The following KCNIP4 variants were observed in gnomAD, a reference collection of about 807,000 sequenced individuals.
KCNIP4 encodes the protein potassium voltage-gated channel interacting protein 4, also known as Kv channel-interacting protein 4.
A neutral mutation model predicts 34.0 loss-of-function variants in KCNIP4; 12 were observed. The ratio of observed to expected loss-of-function variants is 0.35; its 90% CI spans 0.23 to 0.57. KCNIP4 has a LOEUF of 0.57. KCNIP4 is among the 20% of genes least tolerant of loss of function. The probability of loss-of-function intolerance (pLI) is 0.83; values close to 1 mark genes in which losing one functional copy is unlikely to be tolerated. For missense variants in KCNIP4, 238 were observed against 311.7 expected (o/e 0.76, Z 1.78); for synonymous variants, 124 against 102.2 (o/e 1.21, Z -1.29).
At chr4:21,025,166 C>T (rs928194463) in intron 1 of KCNIP4, among the ~76,000 whole-genome samples, 3 of 152,108 alleles carry the variant, frequency 2.0e-5, no homozygotes, top group Non-Finnish European at 4.4e-5. Context: ...ATCATTTAAA[C>T]TGCCAACTGT....
chr4:21,851,314 AG>A (rs1329298896), intron 1 of KCNIP4: 1 of 152,134 alleles, frequency 6.6e-6, no homozygotes, highest in African/African-American at 2.4e-5. Flanking sequence ...CTCATTCATA[AG>A]GGGGAGCTAA....
At chr4:20,820,675 T>G (rs1716992390) in intron 3 of KCNIP4, among the ~76,000 whole-genome samples, 1 of 152,122 alleles carries the variant, frequency 6.6e-6, no homozygotes, top group African/African-American at 2.4e-5. Flanking sequence ...TTCAGAGAGC[T>G]TTGAGGGTGC....
intron 1 of KCNIP4, among the ~76,000 whole-genome samples, chr4:20,992,078 T>C (rs897492778): frequency 6.6e-6 from 1 of 152,206 alleles, no homozygotes; most frequent in Non-Finnish European, 1.5e-5. Context: ...GCATATTTTG[T>C]TGTATAGGAG....
intron 5 of KCNIP4, among the ~76,000 whole-genome samples, chr4:20,744,117 A>G (rs984478512): frequency 1.3e-5 from 2 of 152,132 alleles, no homozygotes; most frequent in East Asian, 1.9e-4. Flanking sequence ...GAAACAACAG[A>G]TGCTGGAGAG....
intron 1 of KCNIP4, among the ~76,000 whole-genome samples, chr4:21,132,165 T>C (rs951055870): frequency 5.3e-5 from 8 of 152,318 alleles, no homozygotes; most frequent in Admixed American, 4.6e-4. Context: ...CCATGCAAAA[T>C]GTTTATCAAG....
chr4:21,380,616 C>CA (rs1425247235), intron 1 of KCNIP4, among the ~76,000 whole-genome samples: 1 of 151,854 alleles, frequency 6.6e-6, no homozygotes, highest in African/African-American at 2.4e-5. Context: ...TGCTGAGAAA[C>CA]AAAAAGCACC....
At position 20,732,766 on chromosome 4, in the gene KCNIP4, TTCATTATA is replaced by T; in HGVS notation, c.549_556del (p.Asp183GlufsTer9). The T allele has an allele frequency of 3.1e-6, 5 of 1,608,128 alleles. No individual in the cohort carries two copies. The highest frequency in any genetic ancestry group is 4.3e-6 in the Non-Finnish European group (5 of 1,174,930). ...TTTACCCATCATATCGTATATTGCT[TTCATTATA>T]TCAAGCATTTCCTGAAAAATAAAAG... On this transcript the variant is annotated frameshift_variant, in exon 7 of 9. Coordinates refer to ENST00000382152, the MANE Select transcript of KCNIP4 (RefSeq NM_025221.6). LOFTEE classifies it high-confidence loss of function.
At chr4:21,680,227 A>C (rs1470555395) in intron 1 of KCNIP4, among the ~76,000 whole-genome samples, 1 of 152,252 alleles carries the variant, frequency 6.6e-6, no homozygotes, top group East Asian at 1.9e-4. Flanking sequence ...CATGAGGAGT[A>C]GACTCCTTTC....
At chr4:21,496,701 G>T (rs1261502247) in intron 1 of KCNIP4, among the ~76,000 whole-genome samples, 1 of 152,312 alleles carries the variant, frequency 6.6e-6, no homozygotes. Flanking sequence ...ACAGCCAGAG[G>T]TGAGCGACTG....
At chr4:20,731,335 T>G in intron 8 of KCNIP4, 1 of 929,136 alleles carries the variant, frequency 1.1e-6, no homozygotes, top group South Asian at 4.9e-5. Context: ...CAGCCTCCCA[T>G]AGTGCTGGGA....
At chr4:20,974,636 G>A (rs1230719171) in intron 1 of KCNIP4, among the ~76,000 whole-genome samples, 7 of 152,088 alleles carry the variant, frequency 4.6e-5, no homozygotes, top group East Asian at 1.9e-4. Context: ...CTTTGAGTCC[G>A]TTCTGATGCT....
At chr4:21,594,430 A>G (rs1349905439) in intron 1 of KCNIP4, among the ~76,000 whole-genome samples, 1 of 152,146 alleles carries the variant, frequency 6.6e-6, no homozygotes. Context: ...ATTTCATAAC[A>G]CTTTTGAGCA....
rs571812065 is a variant in KCNIP4 at position 20,849,749 on chromosome 4, A to C, written c.288+794T>G. ...TTGGGATGTGTATGCTATTTGATAC[A>C]TAAACATTTGATGCCTTTAAGGATG... On this transcript the variant is annotated intron_variant, in intron 3 of 8. Coordinates refer to ENST00000382152, the MANE Select transcript of KCNIP4 (RefSeq NM_025221.6). 2.6e-5 allele frequency among the ~76,000 whole-genome samples: 4 copies of C among 152,348 alleles called. No homozygotes were observed. In the East Asian group the frequency reaches 5.8e-4, roughly 22 times the overall value.
chr4:20,924,850 T>C (rs932624385), intron 1 of KCNIP4, among the ~76,000 whole-genome samples: 1 of 152,222 alleles, frequency 6.6e-6, no homozygotes, highest in African/African-American at 2.4e-5. Context: ...TAGTAGCTCA[T>C]AGTTCAGTGT....
intron 1 of KCNIP4, among the ~76,000 whole-genome samples, chr4:21,541,252 C>T (rs1439369874): frequency 6.6e-6 from 1 of 151,470 alleles, no homozygotes; most frequent in Non-Finnish European, 1.5e-5. Flanking sequence ...CTCTCATCCA[C>T]TTGGCTATCA....
chr4:20,951,872 G>T (rs921955364), intron 1 of KCNIP4, among the ~76,000 whole-genome samples: 2 of 152,138 alleles, frequency 1.3e-5, no homozygotes, highest in Non-Finnish European at 2.9e-5. Context: ...CAGGATGGCT[G>T]GCTTCCTTTC....
chr4:20,890,063 T>C (rs1189368137), intron 1 of KCNIP4, among the ~76,000 whole-genome samples: 7 of 152,174 alleles, frequency 4.6e-5, no homozygotes, highest in Admixed American at 1.3e-4. Flanking sequence ...ATAATACCTA[T>C]GACATTGCAG....
chr4:21,430,710 T>TA (rs1171277745), intron 1 of KCNIP4, among the ~76,000 whole-genome samples: 1 of 152,080 alleles, frequency 6.6e-6, no homozygotes, highest in Non-Finnish European at 1.5e-5. Context: ...AATGGAACAC[T>TA]AATAGGTAAG....
chr4:21,921,921 T>A (rs1728960146), intron 1 of KCNIP4, among the ~76,000 whole-genome samples: 1 of 152,170 alleles, frequency 6.6e-6, no homozygotes, highest in African/African-American at 2.4e-5. Context: ...CATAGTGTCC[T>A]AACACAGTTA....
Sources: gnomAD v4.1 joint callset for allele counts (sites outside exome capture counted in the v4.1 genomes callset) on GRCh38, gnomAD v4.1.1 for gene constraint, MANE v1.5 for transcripts, NCBI Gene and HGNC (gene_info 2026-07-23, HGNC 2026-07-21) for gene names.